Variants in CSMD3 observed in about 807,000 individuals in gnomAD.
CSMD3 encodes CUB and Sushi multiple domains 3, also known as CUB and sushi domain-containing protein 3.
CSMD3 carries 177 observed loss-of-function variants against 435.2 expected under a neutral mutation model. That is an observed-to-expected ratio of 0.41 (90% CI 0.36 to 0.46). CSMD3 has a LOEUF of 0.46. Ranked by LOEUF, CSMD3 falls within the 20% of genes least tolerant of loss-of-function variation. The pLI is 0.34. For missense variants in CSMD3, 4,265 were observed against 4,504.6 expected (o/e 0.95, Z 1.52); for synonymous variants, 1,656 against 1,520.5 (o/e 1.09, Z -2.07).
chr8:112,317,862 C>T (rs1333482245), intron 47 of CSMD3, among the ~76,000 whole-genome samples: 1 of 151,928 alleles, frequency 6.6e-6, no homozygotes, highest in Non-Finnish European at 1.5e-5. Context: ...AGATACTGCA[C>T]AAGAAACAGA....
chr8:112,756,535 C>CT, intron 13 of CSMD3, among the ~76,000 whole-genome samples: 1 of 152,150 alleles, frequency 6.6e-6, no homozygotes, highest in East Asian at 1.9e-4. Context: ...TGGAAGAACA[C>CT]TTTCCAGAAA....
chr8:112,438,947 G>T (rs1369256343), intron 32 of CSMD3, among the ~76,000 whole-genome samples: 1 of 152,114 alleles, frequency 6.6e-6, no homozygotes, highest in Non-Finnish European at 1.5e-5. Flanking sequence ...ATGAGAATAG[G>T]TTTTAGCCCT....
intron 3 of CSMD3, among the ~76,000 whole-genome samples, chr8:113,206,727 T>G (rs1472942937): frequency 1.3e-5 from 2 of 152,188 alleles, no homozygotes; most frequent in Non-Finnish European, 2.9e-5. Context: ...GATTAGTTTA[T>G]AAATATCTGG....
intron 12 of CSMD3, among the ~76,000 whole-genome samples, chr8:112,806,494 A>G (rs1587352326): frequency 6.6e-6 from 1 of 152,316 alleles, no homozygotes; most frequent in East Asian, 1.9e-4. Context: ...CAGCTATCTT[A>G]CAAGTGCAAA....
At chr8:113,261,663 G>A (rs951153913) in intron 3 of CSMD3, among the ~76,000 whole-genome samples, 1 of 151,922 alleles carries the variant, frequency 6.6e-6, no homozygotes, top group African/African-American at 2.4e-5. Context: ...CCCAGTTAAG[G>A]GTGCCATTTC....
At chr8:113,261,843 A>G (rs924869892) in intron 3 of CSMD3, among the ~76,000 whole-genome samples, 7 of 152,102 alleles carry the variant, frequency 4.6e-5, no homozygotes, top group South Asian at 2.1e-4. Context: ...GTAGAACAGA[A>G]AAGATACTAG....
intron 16 of CSMD3, among the ~76,000 whole-genome samples, chr8:112,680,287 G>A (rs556918422): frequency 2.6e-4 from 40 of 152,268 alleles, no homozygotes; most frequent in South Asian, 1.4e-3. Context: ...GAACCCGGGC[G>A]GCGGAGGTTG....
At chr8:113,234,599 T>C (rs1366049758) in intron 3 of CSMD3, among the ~76,000 whole-genome samples, 1 of 152,176 alleles carries the variant, frequency 6.6e-6, no homozygotes, top group African/African-American at 2.4e-5. Flanking sequence ...CTACCACTTA[T>C]AACAACCTTG....
At chr8:113,329,947 T>C (rs2094014690) in intron 1 of CSMD3, among the ~76,000 whole-genome samples, 1 of 151,770 alleles carries the variant, frequency 6.6e-6, no homozygotes, top group South Asian at 2.1e-4. Flanking sequence ...TTAAAATGAG[T>C]CCTTTGGGCT....
chr8:113,392,936 C>A (rs2094466988), intron 1 of CSMD3, among the ~76,000 whole-genome samples: 1 of 121,508 alleles, frequency 8.2e-6, no homozygotes, highest in Admixed American at 9.2e-5. Context: ...CTTCTCTCTG[C>A]ATGTGTCTAT....
At chr8:112,825,442 CT>C (rs2079648687) in intron 12 of CSMD3, among the ~76,000 whole-genome samples, 2 of 151,908 alleles carry the variant, frequency 1.3e-5, no homozygotes. Context: ...TTAATTCTTT[CT>C]CACATTCATG....
chr8:113,166,428 C>G (rs750733628), intron 4 of CSMD3, among the ~76,000 whole-genome samples: 1 of 152,072 alleles, frequency 6.6e-6, no homozygotes, highest in Non-Finnish European at 1.5e-5. Flanking sequence ...TTGCTTGAAC[C>G]CGGGAGATGG....
chr8:112,579,876 C>T (rs1031810034), intron 23 of CSMD3, among the ~76,000 whole-genome samples: 2 of 151,978 alleles, frequency 1.3e-5, no homozygotes, highest in African/African-American at 2.4e-5. Context: ...AGCAATTTTG[C>T]GTTACTTTAC....
At chr8:112,247,892 A>C (rs1814896246) in intron 63 of CSMD3, among the ~76,000 whole-genome samples, 1 of 152,152 alleles carries the variant, frequency 6.6e-6, no homozygotes, top group Non-Finnish European at 1.5e-5. Context: ...AATGGAAAAG[A>C]TAATAACATG....
At chr8:112,684,577 G>T (rs1172759248) in intron 15 of CSMD3, among the ~76,000 whole-genome samples, 2 of 152,008 alleles carry the variant, frequency 1.3e-5, no homozygotes, top group African/African-American at 2.4e-5. Context: ...TATGGCTTCA[G>T]GTATATTTGC....
rs1334540458 is a variant in CSMD3, at chr8:112,839,828, GA to G, written c.1756-10040del. 7.3e-5 allele frequency among the ~76,000 whole-genome samples: 11 copies of G among 151,616 alleles called. No homozygotes were observed. In the Admixed American group the frequency reaches 7.3e-4, roughly 10 times the overall value. On this transcript the variant is annotated intron_variant, in intron 11 of 70. Transcript: ENST00000297405. Reference sequence around the variant, plus strand: ...TGATTAGATACACAACTATAGTAGTGATATACAGATATTTATATACTTTCAT... The same window carrying G: ...TGATTAGATACACAACTATAGTAGTGTATACAGATATTTATATACTTTCAT...
chr8:112,993,276 C>A (rs2085522445), intron 6 of CSMD3, among the ~76,000 whole-genome samples: 1 of 151,774 alleles, frequency 6.6e-6, no homozygotes, highest in Non-Finnish European at 1.5e-5. Flanking sequence ...GTGTAATTGG[C>A]ACAAATATGA....
Position 113,348,696 on chromosome 8 carries a change from G to C in CSMD3, c.179-33903C>G, listed in dbSNP as rs58145353. ...TCTGAATACAGAAGGTAAATGAACAGAAGGAATGCTCAAAGACACAGTTCT... is the reference window on the plus strand; with the variant it reads ...TCTGAATACAGAAGGTAAATGAACACAAGGAATGCTCAAAGACACAGTTCT... On this transcript the variant is annotated intron_variant, in intron 1 of 70. Coordinates refer to ENST00000297405, the MANE Select transcript of CSMD3 (RefSeq NM_198123.2). Among the ~76,000 whole-genome samples the C allele has an allele frequency of 2.3e-4, 35 of 152,194 alleles. No individual in the cohort carries two copies. The East Asian group carries it at 6.8e-3, about 29-fold the overall frequency.
chr8:113,367,090 T>C (rs777700280), intron 1 of CSMD3, among the ~76,000 whole-genome samples: 1 of 151,878 alleles, frequency 6.6e-6, no homozygotes, highest in Non-Finnish European at 1.5e-5. Context: ...ATTTACAATA[T>C]ACTTCCGGGG....
Sources: allele counts gnomAD v4.1 joint callset (sites outside exome capture counted in the v4.1 genomes callset), GRCh38; gene constraint gnomAD v4.1.1; transcripts MANE v1.5; gene names NCBI Gene and HGNC (gene_info 2026-07-23, HGNC 2026-07-21).